Variants in TRPC5OS observed in about 807,000 individuals in gnomAD.
TRPC5OS encodes TRPC5 opposite strand.
For missense variants in TRPC5OS, 64 were observed against 79.3 expected (o/e 0.81, Z 0.73); for synonymous variants, 30 against 29.3 (o/e 1.02, Z -0.08).
chrX:111,886,259 G>A lies in TRPC5OS; in HGVS notation c.-545-9692G>A, dbSNP rs72619722. 6.0e-4 allele frequency among the ~76,000 whole-genome samples: 68 copies of A among 112,502 alleles called. No homozygotes were observed. In the East Asian group the frequency reaches 0.016, roughly 26 times the overall value. ...CATGCCATTGCACTCCAGCCTGGGCGACAAGAGTGAAACTCTGTCAATAAA... is the reference window on the plus strand; with the variant it reads ...CATGCCATTGCACTCCAGCCTGGGCAACAAGAGTGAAACTCTGTCAATAAA... On this transcript the variant is annotated intron_variant, in intron 1 of 3. Coordinates refer to ENST00000635763, the MANE Select transcript of TRPC5OS (RefSeq NM_001195578.2).
chrX:111,888,008 T>C (rs147424752), intron 1 of TRPC5OS, among the ~76,000 whole-genome samples: 2,103 of 110,228 alleles, frequency 0.019, 20 homozygotes, highest in Non-Finnish European at 0.032. Context: ...GAGGGGGAGG[T>C]TAAAATTTAC....
chrX:111,884,756 T>C (rs937979372), intron 1 of TRPC5OS, among the ~76,000 whole-genome samples: 2 of 113,102 alleles, frequency 1.8e-5, no homozygotes, highest in African/African-American at 6.4e-5. Flanking sequence ...AGTCCAGTTA[T>C]AGCCTATCCA....
At chrX:111,897,867 C>T (rs181963822) in intron 3 of TRPC5OS, among the ~76,000 whole-genome samples, 1,226 of 111,179 alleles carry the variant, frequency 0.011, 9 homozygotes, top group Non-Finnish European at 0.019. Flanking sequence ...ACTTTGTGAA[C>T]TTTCACTTAA....
At chrX:111,887,191 G>A (rs1002098215) in intron 1 of TRPC5OS, among the ~76,000 whole-genome samples, 18 of 112,542 alleles carry the variant, frequency 1.6e-4, no homozygotes, top group South Asian at 3.7e-4. Flanking sequence ...TTGCTTTGGA[G>A]AACTGTTTGG....
chrX:111,898,278 GAC>G (rs1289193152), intron 3 of TRPC5OS, among the ~76,000 whole-genome samples: 12 of 85,409 alleles, frequency 1.4e-4, no homozygotes, highest in South Asian at 5.2e-4. Flanking sequence ...TATATATATA[GAC>G]ACACACGCGT....
chrX:111,877,491 A>G (rs1409027569), intron 1 of TRPC5OS, among the ~76,000 whole-genome samples: 1 of 110,963 alleles, frequency 9.0e-6, no homozygotes. Flanking sequence ...GTAAACCTCA[A>G]GTTTAGGATA....
At chrX:111,877,162 G>A (rs2087648153) in intron 1 of TRPC5OS, among the ~76,000 whole-genome samples, 1 of 111,684 alleles carries the variant, frequency 9.0e-6, no homozygotes, top group Non-Finnish European at 1.9e-5. Flanking sequence ...GTATAGGTTA[G>A]AGGTAATAAA....
chrX:111,876,715 C>G (rs1257713693), intron 1 of TRPC5OS, among the ~76,000 whole-genome samples: 2 of 111,545 alleles, frequency 1.8e-5, no homozygotes, highest in African/African-American at 6.5e-5. Context: ...CCAGAATTCC[C>G]TGGCAATATT....
chrX:111,890,048 T>C (rs763813939), intron 1 of TRPC5OS, among the ~76,000 whole-genome samples: 1 of 111,797 alleles, frequency 8.9e-6, no homozygotes, highest in South Asian at 3.8e-4. Context: ...GCCCTCTGTA[T>C]TGTGGGTTCT....
chrX:111,900,457 T>C (rs1925285683), intron 3 of TRPC5OS, among the ~76,000 whole-genome samples: 1 of 111,650 alleles, frequency 9.0e-6, no homozygotes, highest in South Asian at 3.7e-4. Context: ...GGAAAAACAA[T>C]CTGGTGAAGG....
chrX:111,899,960 C>T (rs1427721923), intron 3 of TRPC5OS, among the ~76,000 whole-genome samples: 2 of 110,502 alleles, frequency 1.8e-5, no homozygotes, highest in African/African-American at 3.3e-5. Flanking sequence ...TCGTTGTGAC[C>T]CTTATCATCA....
At chrX:111,888,701 A>AT (rs1924646301) in intron 1 of TRPC5OS, among the ~76,000 whole-genome samples, 1 of 103,120 alleles carries the variant, frequency 9.7e-6, no homozygotes, top group African/African-American at 3.6e-5. Context: ...CTCAAAAAAA[A>AT]AAAAAAAAAA....
intron 1 of TRPC5OS, among the ~76,000 whole-genome samples, chrX:111,883,320 T>C (rs759020104): frequency 1.8e-5 from 2 of 112,268 alleles, no homozygotes; most frequent in African/African-American, 6.5e-5. Context: ...CTGGGACCTA[T>C]TCAGGGCCAA....
At chrX:111,901,122 T>C (rs1319002626) in intron 3 of TRPC5OS, among the ~76,000 whole-genome samples, 1 of 111,487 alleles carries the variant, frequency 9.0e-6, no homozygotes, top group East Asian at 2.8e-4. Context: ...AGGACTTTCA[T>C]TTACCATAAA....
chrX:111,895,706 A>T (rs1045723343), intron 1 of TRPC5OS, among the ~76,000 whole-genome samples: 2 of 110,749 alleles, frequency 1.8e-5, no homozygotes, highest in Admixed American at 1.9e-4. Context: ...TCATGGTTCC[A>T]TTGATTTATT....
rs1925476522 is a variant in TRPC5OS, at chrX:111,903,721, T to C, written c.*1536T>C. 8.9e-6 allele frequency: 1 copy of C among 111,899 alleles called. No individual in the cohort carries two copies. The highest frequency in any genetic ancestry group is 3.2e-5 in the African/African-American group (1 of 30,807). 9.2% of individuals were successfully genotyped at this position (111,899 alleles called of 1,213,427 possible). A position where few individuals can be genotyped will look rare whatever the true frequency, so the allele number is the denominator to read the frequency against. On this transcript the variant is annotated 3_prime_UTR_variant, in exon 4 of 4. Transcript: ENST00000635763. ...ATAGCATGGCAGAAAAGAGAGGGGC[T>C]CATCATTCTGAGACAAGCTTAAAGG...
chrX:111,894,911 G>A (rs1924989445), intron 1 of TRPC5OS, among the ~76,000 whole-genome samples: 1 of 110,688 alleles, frequency 9.0e-6, no homozygotes, highest in Non-Finnish European at 1.9e-5. Context: ...TAACCACTTT[G>A]TTCCCGTAGA....
At chrX:111,897,489 CATG>C (rs1276732826) in intron 3 of TRPC5OS, among the ~76,000 whole-genome samples, 3 of 111,326 alleles carry the variant, frequency 2.7e-5, no homozygotes. Context: ...CGTACCTAAA[CATG>C]ATCATTACCA....
At chrX:111,894,838 A>T in intron 1 of TRPC5OS, among the ~76,000 whole-genome samples, 1 of 112,001 alleles carries the variant, frequency 8.9e-6, no homozygotes, top group Non-Finnish European at 1.9e-5. Context: ...GATATAGAAC[A>T]TTACCAGCAC....
Sources: gnomAD v4.1 joint callset for allele counts (sites outside exome capture counted in the v4.1 genomes callset) on GRCh38, gnomAD v4.1.1 for gene constraint, MANE v1.5 for transcripts, NCBI Gene and HGNC (gene_info 2026-07-23, HGNC 2026-07-21) for gene names.